The following NCOA7 variants were observed in gnomAD, a reference collection of about 807,000 sequenced individuals.
NCOA7 encodes the protein 140 kDa estrogen receptor-associated protein.
A neutral mutation model predicts 104.3 loss-of-function variants in NCOA7; 45 were observed. The ratio of observed to expected loss-of-function variants is 0.43; its 90% confidence interval spans 0.34 to 0.55. The LOEUF is 0.55. Ranked by LOEUF, NCOA7 falls within the 20% of genes least tolerant of loss-of-function variation. The pLI is 0.02. For missense variants in NCOA7, 1,041 were observed against 1,119.7 expected, an observed-to-expected ratio of 0.93 and a Z score of 1.00; for synonymous variants, 398 against 402.3, an observed-to-expected ratio of 0.99 and a Z score of 0.13.
intron 2 of NCOA7, among the ~76,000 whole-genome samples, chr6:125,833,343 A>G (rs1047997805): frequency 3.9e-5 from 6 of 151,994 alleles, no homozygotes; most frequent in Admixed American, 3.9e-4. Context: ...TCCCAGGACT[A>G]TGGGAGGCTG....
At chr6:125,912,360 CTCCATAT>C (rs113134901) in intron 10 of NCOA7, among the ~76,000 whole-genome samples, 23,021 of 151,994 alleles carry the variant, frequency 0.15, 1,870 homozygotes, top group East Asian at 0.23. Context: ...TTCCCTTTCT[CTCCATAT>C]TGCTGCGTGG....
At chr6:125,836,024 A>G (rs772691373) in intron 2 of NCOA7, among the ~76,000 whole-genome samples, 2 of 152,182 alleles carry the variant, frequency 1.3e-5, no homozygotes, top group South Asian at 2.1e-4. Flanking sequence ...TTGAGATTCT[A>G]TGATTTACGC....
At chr6:125,909,180 AGAG>A (rs1786294397) in intron 10 of NCOA7, among the ~76,000 whole-genome samples, 1 of 152,226 alleles carries the variant, frequency 6.6e-6, no homozygotes. Context: ...CTGTGGAATG[AGAG>A]GAGGACTTTT....
At chr6:125,904,113 T>G (rs1424684700) in intron 10 of NCOA7, among the ~76,000 whole-genome samples, 1 of 152,142 alleles carries the variant, frequency 6.6e-6, no homozygotes, top group Non-Finnish European at 1.5e-5. Context: ...TCCAAGTATT[T>G]TATCTTATGC....
In NCOA7 at chr6:125,820,482, C is replaced by A. The variant is rs1399265902; in HGVS notation, c.50+5078C>A. On this transcript the variant is annotated intron_variant, in intron 2 of 15. Coordinates refer to ENST00000392477, the MANE Select transcript of NCOA7 (RefSeq NM_181782.5). The stretch of plus-strand genomic sequence containing the variant: ...AGCAAGGAGGGCCAGAGCTGAACAG[C>A]TGGTCCCCTTATTCTCTTTTCCATG... Among the ~76,000 whole-genome samples the A allele has an allele frequency of 1.3e-5, 2 of 152,236 alleles. 1 individual carries two copies. The highest frequency in any genetic ancestry group is 2.9e-5 in the Non-Finnish European group (2 of 68,044).
At chr6:125,880,295 G>A (rs894846717) in intron 5 of NCOA7, among the ~76,000 whole-genome samples, 2 of 152,044 alleles carry the variant, frequency 1.3e-5, no homozygotes, top group African/African-American at 4.8e-5. Context: ...AGCTGGGTTT[G>A]TTCCATTTCT....
Position 125,852,122 on chromosome 6 carries a change from GTT to G in NCOA7, c.51-2894_51-2893del, listed in dbSNP as rs370094179. Among the ~76,000 whole-genome samples, 639 of 151,944 alleles carry G rather than the reference GTT, an allele frequency of 4.2e-3. 7 individuals carry two copies. The highest frequency in any genetic ancestry group is 0.015 in the African/African-American group (617 of 41,472). On this transcript the variant is annotated intron_variant, in intron 2 of 15. Coordinates refer to ENST00000392477, the MANE Select transcript of NCOA7 (RefSeq NM_181782.5). ...GTTTAATTAGGTCCCATTTATTTTTGTTTTTATTGCATTTGCTTTTGGGGTCT... is the reference window on the plus strand; with the variant it reads ...GTTTAATTAGGTCCCATTTATTTTTGTTTATTGCATTTGCTTTTGGGGTCT...
intron 3 of NCOA7, among the ~76,000 whole-genome samples, chr6:125,873,209 CCTT>C (rs1783076385): frequency 6.6e-6 from 1 of 152,090 alleles, no homozygotes; most frequent in African/African-American, 2.4e-5. Flanking sequence ...AGTTAATCAA[CCTT>C]CTCAGATCGT....
chr6:125,875,146 C>T, intron 4 of NCOA7, 178 bp downstream of exon 4: 1 of 515,938 alleles, frequency 1.9e-6, no homozygotes, highest in East Asian at 3.1e-5. Context: ...CCTGGTCAAT[C>T]TCAAATAAAC....
intron 1 of NCOA7, among the ~76,000 whole-genome samples, chr6:125,813,874 A>G (rs1338513358): frequency 1.3e-5 from 2 of 151,988 alleles, no homozygotes; most frequent in Admixed American, 6.6e-5. Context: ...TTTTTTAATG[A>G]TATTTTGAAA....
chr6:125,879,472 G>A (rs1241041994), intron 5 of NCOA7, among the ~76,000 whole-genome samples: 1 of 152,044 alleles, frequency 6.6e-6, no homozygotes, highest in Non-Finnish European at 1.5e-5. Context: ...ACCAGTTTTG[G>A]TGCATATATT....
chr6:125,846,996 T>A (rs1780671104), intron 2 of NCOA7, among the ~76,000 whole-genome samples: 1 of 152,176 alleles, frequency 6.6e-6, no homozygotes. Flanking sequence ...AAAGTAAAAT[T>A]CAGTTTAAAA....
chr6:125,928,239 T>G lies in NCOA7; in HGVS notation c.2685T>G (p.Gly895=), dbSNP rs762069082. Residue 895 remains glycine, a synonymous_variant, in exon 15 of 16, where the codon GGT becomes GGG. Coordinates refer to ENST00000392477, the MANE Select transcript of NCOA7 (RefSeq NM_181782.5). ...GAGACATAAGTTCTTTAGAACTTGG[T>G]GGTGGAGGGTAAGGTTTTTTTTGTT... ...INGDISSLEL[G]GGGGRFGLWL... is the part of the protein sequence containing the mutation. 1.9e-6 allele frequency: 3 copies of G among 1,609,502 alleles called. No individual in the cohort carries two copies. The highest frequency in any genetic ancestry group is 1.1e-5 in the South Asian group (1 of 89,820).
chr6:125,812,668 G>A (rs1333986591), intron 1 of NCOA7, among the ~76,000 whole-genome samples: 3 of 151,884 alleles, frequency 2.0e-5, no homozygotes, highest in South Asian at 2.1e-4. Context: ...GTAATCAAAC[G>A]TCTGGTGAAT....
At chr6:125,857,962 C>T (rs1277619827) in intron 3 of NCOA7, among the ~76,000 whole-genome samples, 1 of 151,134 alleles carries the variant, frequency 6.6e-6, no homozygotes, top group East Asian at 2.0e-4. Context: ...TATACTCTGT[C>T]GCGTGTGTAA....
rs1207361009 is a variant in NCOA7, at chr6:125,929,893, A to G, written c.*1122A>G. On this transcript the variant is annotated 3_prime_UTR_variant, in exon 16 of 16. Transcript: ENST00000392477. ...AGGGACTCAGTATATTAATTTCTGC[A>G]TTTTTTAAATCAAATGAAAAACGTC... 6.6e-6 allele frequency: 1 copy of G among 152,164 alleles called. No homozygotes were observed. 9.4% of individuals were successfully genotyped at this position (152,164 alleles called of 1,614,324 possible).
chr6:125,855,077 A>G lies in NCOA7; in HGVS notation c.108A>G (p.Thr36=). The G allele has an allele frequency of 6.2e-7, 1 of 1,613,406 alleles. No homozygotes were observed. Among genetic ancestry groups the G allele is most frequent in the Non-Finnish European group, 8.5e-7 (1 of 1,179,934 alleles). The change falls in exon 3 of 16, where the codon ACA becomes ACG. Residue 36 remains threonine (T), a synonymous_variant. Transcript: ENST00000392477. The part of the protein sequence containing the change: ...QNAETASAVA[T]RTHTGKEDNN... ...CAGAGACAGCCTCAGCTGTAGCTAC[A>G]AGGACTCATACTGGGAAGGAAGATA... is the stretch of plus-strand genomic sequence containing the variant.
intron 2 of NCOA7, among the ~76,000 whole-genome samples, chr6:125,816,332 T>C (rs1396221286): frequency 6.6e-6 from 1 of 152,214 alleles, no homozygotes; most frequent in Non-Finnish European, 1.5e-5. Flanking sequence ...TTTAATTGCC[T>C]TCAAAATAAA....
At position 125,831,526 on chromosome 6, in the gene NCOA7, C is replaced by A. The variant is rs142318167; in HGVS notation, c.50+16122C>A. 9.9e-3 allele frequency among the ~76,000 whole-genome samples: 1,448 copies of A among 145,968 alleles called. 15 individuals carry two copies. Among genetic ancestry groups the A allele is most frequent in the African/African-American group, 0.035 (1,376 of 39,630 alleles). On this transcript the variant is annotated intron_variant, in intron 2 of 15. Transcript: ENST00000392477. ...CTTCCAATTTTCTTTCTCAGTGATTCTTTTGAGATTACTGGTAATGGTACT... is the reference window on the plus strand; with the variant it reads ...CTTCCAATTTTCTTTCTCAGTGATTATTTTGAGATTACTGGTAATGGTACT...
Sources: gnomAD v4.1 joint callset for allele counts (sites outside exome capture counted in the v4.1 genomes callset) on GRCh38, gnomAD v4.1.1 for gene constraint, MANE v1.5 for transcripts, NCBI Gene and HGNC (gene_info 2026-07-23, HGNC 2026-07-21) for gene names.